Variants in KIF21A observed in about 807,000 individuals in gnomAD.
KIF21A encodes the protein kinesin family member 21A.
Under a neutral mutation model 202.9 loss-of-function variants are expected in KIF21A, and 114 were observed. The ratio of observed to expected loss-of-function variants is 0.56; its 90% CI spans 0.48 to 0.66. The LOEUF is 0.66. Ranked by LOEUF, KIF21A falls within the 30% of genes least tolerant of loss-of-function variation. The pLI, the probability that KIF21A is intolerant of heterozygous loss-of-function variation, is 0.00. For synonymous variants in KIF21A, 667 were observed against 670.8 expected, an observed-to-expected ratio of 0.99 and a Z score of 0.09; for missense variants, 1,677 against 1,994.9, an observed-to-expected ratio of 0.84 and a Z score of 3.04.
In KIF21A at chr12:39,322,697, T is replaced by C. The variant is rs1367615914; in HGVS notation, c.3642A>G (p.Pro1214=). ...TSAREKELSP[P]PGLPSKIGSI... is the part of the protein sequence containing the mutation. ...TGCCTATCTTAGAAGGTAAGCCAGG[T>C]GGGGGAGAGAGCTCTTTTTCCCTAG... Residue 1214 remains proline (P), a synonymous_variant, in exon 27 of 38, where the codon CCA becomes CCG. Coordinates refer to ENST00000361418, the MANE Select transcript of KIF21A (RefSeq NM_001173464.2). The C allele has an allele frequency of 6.2e-7, 1 of 1,613,668 alleles. No homozygotes were observed. The highest frequency in any genetic ancestry group is 2.2e-5 in the East Asian group (1 of 44,882).
At position 39,358,201 on chromosome 12, in the gene KIF21A, T is replaced by C; in HGVS notation, c.1192A>G (p.Met398Val). Residue 398 changes from methionine to valine, a missense_variant, in exon 8 of 38, where the codon ATG (methionine) becomes GTG (valine). By Grantham distance (21) the Met-to-Val change is conservative. This residue lies in a region of KIF21A where 966 missense variants were observed against 1,180.9 expected (regional missense o/e 0.82). Transcript: ENST00000361418. ...ALRSEITRLQ[M>V]ELMEYKTGKR... ...ACTGTTTTGTACTCCATGAGCTCCA[T>C]CTGAAGTCGTGTGATTTCACTACGA... 1 of 1,614,060 alleles carries C rather than the reference T, an allele frequency of 6.2e-7. No individual in the cohort carries two copies. The highest frequency in any genetic ancestry group is 8.5e-7 in the Non-Finnish European group (1 of 1,179,980).
At chr12:39,331,324 A>AT (rs1946486210) in intron 22 of KIF21A, among the ~76,000 whole-genome samples, 1 of 152,122 alleles carries the variant, frequency 6.6e-6, no homozygotes, top group African/African-American at 2.4e-5. Context: ...TGATTAAATT[A>AT]TTTTTTCTTT....
At chr12:39,389,720 C>A (rs11171957) in intron 1 of KIF21A, among the ~76,000 whole-genome samples, 1 of 152,130 alleles carries the variant, frequency 6.6e-6, no homozygotes, top group South Asian at 2.1e-4. Context: ...ACAATATATC[C>A]TTATCCATTA....
At chr12:39,403,826 CAA>C (rs1195444824) in intron 1 of KIF21A, among the ~76,000 whole-genome samples, 1 of 152,104 alleles carries the variant, frequency 6.6e-6, no homozygotes, top group African/African-American at 2.4e-5. Context: ...AGCTTAGTAG[CAA>C]AGTCTTACTT....
At position 39,342,063 on chromosome 12, in the gene KIF21A, A is replaced by G; in HGVS notation, c.1774T>C (p.Ser592Pro). The change falls in exon 13 of 38, where the codon TCG becomes CCG. Residue 592 changes from serine (S) to proline (P), a missense_variant. Transcript: ENST00000361418. ...TCTAATTCATTGTTTTCTCTTTCCGAAACACCCTTTTCTTCTTTCTTCTCT... is the reference window on the plus strand; with the variant it reads ...TCTAATTCATTGTTTTCTCTTTCCGGAACACCCTTTTCTTCTTTCTTCTCT... ...DQEKKEEKGV[S>P]ERENNELEVE... The G allele has an allele frequency of 6.2e-7, 1 of 1,611,758 alleles. No individual in the cohort carries two copies. The highest frequency in any genetic ancestry group is 1.1e-5 in the South Asian group (1 of 91,006).
At chr12:39,326,766 T>C (rs1015847073) in intron 24 of KIF21A, among the ~76,000 whole-genome samples, 5 of 152,256 alleles carry the variant, frequency 3.3e-5, no homozygotes, top group African/African-American at 4.8e-5. Context: ...TTATCAGTTA[T>C]GCCAATGTAC....
chr12:39,295,343 A>G (rs1462332939), intron 37 of KIF21A, among the ~76,000 whole-genome samples: 1 of 152,220 alleles, frequency 6.6e-6, no homozygotes, highest in Non-Finnish European at 1.5e-5. Context: ...GGTTAAAGAA[A>G]TGTTTCTTTT....
chr12:39,413,688 C>G (rs925500918), intron 1 of KIF21A, among the ~76,000 whole-genome samples: 1 of 152,114 alleles, frequency 6.6e-6, no homozygotes, highest in Admixed American at 6.5e-5. Flanking sequence ...TGAGGAAGAT[C>G]GCTTGAACCC....
chr12:39,428,938 CAG>C (rs1241236437), intron 1 of KIF21A, among the ~76,000 whole-genome samples: 1 of 136,922 alleles, frequency 7.3e-6, no homozygotes, highest in Non-Finnish European at 1.5e-5. Context: ...AGCCTGGTGA[CAG>C]AGAGAGACTC....
At chr12:39,387,412 G>T (rs1218645149) in intron 1 of KIF21A, among the ~76,000 whole-genome samples, 1 of 152,136 alleles carries the variant, frequency 6.6e-6, no homozygotes, top group African/African-American at 2.4e-5. Context: ...GAGAACAAGT[G>T]ATTTTCTCCT....
intron 7 of KIF21A, among the ~76,000 whole-genome samples, chr12:39,360,776 A>G (rs1349517448): frequency 6.6e-6 from 1 of 152,214 alleles, no homozygotes; most frequent in Non-Finnish European, 1.5e-5. Flanking sequence ...ATATTTATTA[A>G]ACACTGTAAA....
chr12:39,381,701 T>A (rs1388090907), intron 1 of KIF21A, among the ~76,000 whole-genome samples: 3 of 152,086 alleles, frequency 2.0e-5, no homozygotes, highest in Non-Finnish European at 4.4e-5. Flanking sequence ...GTAGGCAGAA[T>A]TTGAAGATGA....
chr12:39,339,720 A>G (rs552437829), intron 16 of KIF21A, among the ~76,000 whole-genome samples: 1 of 152,314 alleles, frequency 6.6e-6, no homozygotes, highest in African/African-American at 2.4e-5. Flanking sequence ...TAGGAATTAT[A>G]AACACTAAAT....
chr12:39,349,841 T>G (rs1948221160), intron 11 of KIF21A, among the ~76,000 whole-genome samples: 1 of 152,048 alleles, frequency 6.6e-6, no homozygotes, highest in Non-Finnish European at 1.5e-5. Context: ...AAATTGGCTC[T>G]AAAAATGTTT....
intron 10 of KIF21A, 147 bp from the exon 11 acceptor site, chr12:39,352,127 T>C: frequency 1.5e-6 from 1 of 668,426 alleles, no homozygotes. Context: ...GTCACCACCA[T>C]CCATCTCCAG....
chr12:39,311,027 C>T (rs77828346), intron 32 of KIF21A, among the ~76,000 whole-genome samples: 2,634 of 152,158 alleles, frequency 0.017, 73 homozygotes, highest in African/African-American at 0.059. Context: ...TATTAGTATA[C>T]TGCCTAGCAT....
At chr12:39,301,337 T>C (rs2271478) in intron 37 of KIF21A, 143 bp downstream of exon 37, 45,050 of 783,506 alleles carry the variant, frequency 0.057, 1,542 homozygotes, top group East Asian at 0.13. Flanking sequence ...CATCAGAAAA[T>C]ATGAATAAGA....
At chr12:39,330,141 G>A (rs1263284084) in intron 24 of KIF21A, 101 bp downstream of exon 24, 9 of 1,117,892 alleles carry the variant, frequency 8.1e-6, no homozygotes, top group East Asian at 2.4e-5. Context: ...CCACTTGACC[G>A]CCAATAAAAA....
At chr12:39,422,237 A>C (rs1280148140) in intron 1 of KIF21A, among the ~76,000 whole-genome samples, 2 of 152,062 alleles carry the variant, frequency 1.3e-5, no homozygotes, top group Non-Finnish European at 2.9e-5. Flanking sequence ...CTACGATTAC[A>C]TGCATGAGCC....
Sources: gnomAD v4.1 joint callset for allele counts (sites outside exome capture counted in the v4.1 genomes callset) on GRCh38, gnomAD v4.1.1 for gene constraint, gnomAD v4.1.1 regional missense constraint, MANE v1.5 for transcripts, NCBI Gene and HGNC (gene_info 2026-07-23, HGNC 2026-07-21) for gene names.